ZNF596: variants seen among roughly 807,000 people sequenced by gnomAD.
ZNF596 encodes zinc finger protein 596.
In ZNF596, 45 loss-of-function variants were observed where a neutral mutation model predicts 48.3. That is an observed-to-expected ratio of 0.93 (90% CI 0.73 to 1.19). The LOEUF (loss-of-function observed/expected upper bound fraction) is 1.19, where lower values mean the gene tolerates loss of function less well. Among genes scored for constraint, ZNF596 ranks in the 50% most tolerant of loss-of-function variants. The pLI is 0.00. For missense variants in ZNF596, 848 were observed against 599.7 expected (o/e 1.41, Z -4.32); for synonymous variants, 270 against 202.0 (o/e 1.34, Z -2.85).
chr8:232,799 G>A (rs1416000274), intron 1 of ZNF596, 105 bp downstream of exon 1: 11 of 432,612 alleles, frequency 2.5e-5, no homozygotes, highest in South Asian at 1.6e-4. Flanking sequence ...TCCCTGAGAT[G>A]CTTCCCCATC....
At position 245,852 on chromosome 8, in the gene ZNF596, T is replaced by A. The variant is rs760413673; in HGVS notation, c.1005T>A (p.Tyr335Ter). The change falls in exon 6 of 6, where the codon TAT becomes TAA. Residue 335 changes from tyrosine to a stop codon, truncating the protein, a stop_gained. Coordinates refer to ENST00000398612, the MANE Select transcript of ZNF596 (RefSeq NM_001042416.3). LOFTEE classifies it high-confidence loss of function. ...GAACTCACAATGGAGAGAAACCATA[T>A]GAATGTCATCTATGTGGAAAAGCCT... ...HERTHNGEKPYECHLCGKAFS... is the reference protein window; with the variant it reads ...HERTHNGEKP 5 of 1,613,994 alleles carry A rather than the reference T, an allele frequency of 3.1e-6. No homozygotes were observed. In the South Asian group the frequency reaches 4.4e-5, roughly 14 times the overall value.
chr8:239,705 G>T lies in ZNF596; in HGVS notation c.-72-1119G>T, dbSNP rs117487349. ...GGGGGGTACCATTGTTTCAGCATAT[G>T]GATGTGTTCTTCACCCACCCAGAAG... On this transcript the variant is annotated intron_variant, in intron 1 of 5. Transcript: ENST00000398612. Among the ~76,000 whole-genome samples, 47 of 152,286 alleles carry T rather than the reference G, an allele frequency of 3.1e-4. No homozygotes were observed. In the East Asian group the frequency reaches 7.5e-3, roughly 24 times the overall value.
intron 3 of ZNF596, chr8:243,276 T>G (rs750397458): frequency 1.5e-5 from 5 of 328,184 alleles, no homozygotes; most frequent in Non-Finnish European, 2.8e-5. Context: ...TCTCCCAAAC[T>G]CAGAAAAGTT....
intron 1 of ZNF596, among the ~76,000 whole-genome samples, chr8:236,229 C>T (rs1796607998): frequency 1.3e-5 from 2 of 151,994 alleles, no homozygotes; most frequent in African/African-American, 4.8e-5. Flanking sequence ...TTTTTAAGGA[C>T]TAATGTTGCT....
In ZNF596 at chr8:242,979, G is replaced by A; in HGVS notation, c.105G>A (p.Val35=). 1 of 1,612,212 alleles carries A rather than the reference G, an allele frequency of 6.2e-7. No individual in the cohort carries two copies. The highest frequency in any genetic ancestry group is 1.1e-5 in the South Asian group (1 of 90,980). ...DTSQRKLFQD[V]MLENISHLVS... is the part of the protein sequence containing the mutation. Reference sequence around the variant, plus strand: ...CCCAGAGAAAGCTGTTTCAAGATGTGATGTTGGAGAACATCAGTCATCTGG... The same window carrying A: ...CCCAGAGAAAGCTGTTTCAAGATGTAATGTTGGAGAACATCAGTCATCTGG... Residue 35 remains valine, a synonymous_variant, in exon 3 of 6, where the codon GTG becomes GTA. Transcript: ENST00000398612.
At chr8:243,077 G>C (rs756040933) in intron 3 of ZNF596, 64 bp downstream of exon 3, 3 of 1,482,270 alleles carry the variant, frequency 2.0e-6, no homozygotes, top group Admixed American at 3.7e-5. Context: ...ATTTTTCACT[G>C]ATTCATTCTT....
At chr8:244,350 T>A (rs1007760746) in intron 4 of ZNF596, 1 of 410,998 alleles carries the variant, frequency 2.4e-6, no homozygotes, top group African/African-American at 2.1e-5. Context: ...GTGTACTTAT[T>A]TGAGTTAAAC....
chr8:242,043 G>C (rs1008447481), intron 2 of ZNF596, among the ~76,000 whole-genome samples: 2 of 152,138 alleles, frequency 1.3e-5, no homozygotes, highest in African/African-American at 4.8e-5. Context: ...CCCCCAACAT[G>C]TGGGGATTAC....
intron 1 of ZNF596, among the ~76,000 whole-genome samples, chr8:238,023 G>C (rs894013482): frequency 1.3e-5 from 2 of 152,208 alleles, no homozygotes; most frequent in African/African-American, 4.8e-5. Flanking sequence ...GCCATTGCTG[G>C]CCTCCTTGGA....
intron 1 of ZNF596, among the ~76,000 whole-genome samples, chr8:234,167 G>A (rs1048779616): frequency 5.3e-5 from 8 of 152,196 alleles, no homozygotes; most frequent in Non-Finnish European, 1.0e-4. Flanking sequence ...ACCAGAGAAA[G>A]AAAAAGCCTT....
At chr8:233,311 A>G (rs1260381147) in intron 1 of ZNF596, 1 of 323,140 alleles carries the variant, frequency 3.1e-6, no homozygotes, top group East Asian at 9.2e-5. Context: ...TAATTCCCAA[A>G]TTCTTTAGAT....
chr8:238,479 T>C (rs1029025157), intron 1 of ZNF596, among the ~76,000 whole-genome samples: 4 of 151,666 alleles, frequency 2.6e-5, no homozygotes, highest in African/African-American at 9.7e-5. Flanking sequence ...ATGAACAAAA[T>C]AAATCTCCAA....
At chr8:243,147 CT>C in intron 3 of ZNF596, 134 bp downstream of exon 3, 2 of 695,034 alleles carry the variant, frequency 2.9e-6, no homozygotes, top group South Asian at 6.8e-5. Context: ...TGCTTTGATC[CT>C]TTCATAACTC....
At position 245,444 on chromosome 8, in the gene ZNF596, G is replaced by A. The variant is rs1563070455; in HGVS notation, c.597G>A (p.Val199=). The change falls in exon 6 of 6, where the codon GTG becomes GTA. Residue 199 remains valine (V), a synonymous_variant. Coordinates refer to ENST00000398612, the MANE Select transcript of ZNF596 (RefSeq NM_001042416.3). The part of the protein sequence containing the change: ...HTREITLECR[V]CGKTFSKNSN... ...GAGAGATAACATTGGAATGTCGTGT[G>A]TGTGGGAAAACCTTTAGCAAAAATT... 6.2e-7 allele frequency: 1 copy of A among 1,614,064 alleles called. No homozygotes were observed. The highest frequency in any genetic ancestry group is 1.7e-5 in the Admixed American group (1 of 59,996).
intron 1 of ZNF596, among the ~76,000 whole-genome samples, chr8:237,938 A>C (rs2906329): frequency 6.6e-6 from 1 of 151,912 alleles, no homozygotes; most frequent in Non-Finnish European, 1.5e-5. Context: ...ATTTGGCATA[A>C]CTCAGCTGTG....
In ZNF596 at chr8:245,429, A is replaced by T. The variant is rs147921447; in HGVS notation, c.582A>T (p.Thr194=). 3.7e-6 allele frequency: 6 copies of T among 1,614,088 alleles called. No individual in the cohort carries two copies. Among genetic ancestry groups the T allele is most frequent in the Non-Finnish European group, 5.1e-6 (6 of 1,180,028 alleles). Residue 194 remains threonine, a synonymous_variant, in exon 6 of 6, where the codon ACA becomes ACT. Transcript: ENST00000398612. ...GTGTGACTCACACTAGAGAGATAAC[A>T]TTGGAATGTCGTGTGTGTGGGAAAA... ...PHSVTHTREI[T]LECRVCGKTF...
chr8:237,312 TATTAA>T (rs1228269317), intron 1 of ZNF596: 1 of 152,150 alleles, frequency 6.6e-6, no homozygotes, highest in Non-Finnish European at 1.5e-5. Flanking sequence ...TTTTATTATT[TATTAA>T]ATTGTTTTAT....
At position 245,423 on chromosome 8, in the gene ZNF596, G is replaced by T. The variant is rs1466644858; in HGVS notation, c.576G>T (p.Glu192Asp). The stretch of plus-strand genomic sequence containing the variant: ...CACACAGTGTGACTCACACTAGAGA[G>T]ATAACATTGGAATGTCGTGTGTGTG... ...LRPHSVTHTR[E>D]ITLECRVCGK... Residue 192 changes from glutamate to aspartate, a missense_variant, in exon 6 of 6, where the codon GAG becomes GAT. Glu to Asp is a conservative substitution (Grantham distance 45). Transcript: ENST00000398612. 1 of 1,614,064 alleles carries T rather than the reference G, an allele frequency of 6.2e-7. No individual in the cohort carries two copies. The highest frequency in any genetic ancestry group is 8.5e-7 in the Non-Finnish European group (1 of 1,180,032).
At position 244,735 on chromosome 8, in the gene ZNF596, T is replaced by C. The variant is rs374352411; in HGVS notation, c.306+34T>C. On this transcript the variant is annotated intron_variant, in intron 5 of 5. Transcript: ENST00000398612. ...TATGGATGCAAACCCTGTTCTTACA[T>C]ATAGAAACCTGGACATTAAACAACT... The C allele has an allele frequency of 9.0e-6, 14 of 1,556,156 alleles. No homozygotes were observed. In the African/African-American group the frequency reaches 1.8e-4, roughly 20 times the overall value.
Sources: gnomAD v4.1 joint callset for allele counts (sites outside exome capture counted in the v4.1 genomes callset) on GRCh38, gnomAD v4.1.1 for gene constraint, MANE v1.5 for transcripts, NCBI Gene and HGNC (gene_info 2026-07-23, HGNC 2026-07-21) for gene names.